The following ELMO1 variants were observed in gnomAD, a reference collection of about 807,000 sequenced individuals.
The protein encoded by ELMO1 is engulfment and cell motility protein 1.
A neutral mutation model predicts 98.9 loss-of-function variants in ELMO1; 26 were observed. The observed-to-expected ratio is 0.26, with a 90% CI of 0.19 to 0.36. The LOEUF (loss-of-function observed/expected upper bound fraction) is 0.36, where lower values mean the gene tolerates loss of function less well. Among genes scored for constraint, ELMO1 ranks in the 10% least tolerant of loss-of-function variants. The pLI, the probability that ELMO1 is intolerant of heterozygous loss-of-function variation, is 1.00. For synonymous variants in ELMO1, 346 were observed against 346.0 expected (o/e 1.00, Z 0.00); for missense variants, 627 against 935.2 (o/e 0.67, Z 4.30).
chr7:36,955,227 T>C (rs1788345390), intron 16 of ELMO1, among the ~76,000 whole-genome samples: 2 of 152,146 alleles, frequency 1.3e-5, no homozygotes, highest in Non-Finnish European at 2.9e-5. Flanking sequence ...TAAACCCTCC[T>C]CTCAGCTCAA....
chr7:37,321,716 CAAAAAAAA>C (rs565421716), intron 2 of ELMO1, among the ~76,000 whole-genome samples: 5 of 66,104 alleles, frequency 7.6e-5, no homozygotes, highest in South Asian at 5.5e-4. Context: ...GACTCCGTCT[CAAAAAAAA>C]AAAAAAAAAA....
At chr7:36,978,296 C>A (rs183217823) in intron 16 of ELMO1, among the ~76,000 whole-genome samples, 272 of 151,516 alleles carry the variant, frequency 1.8e-3, no homozygotes, top group African/African-American at 6.2e-3. Context: ...CAGATGAAAT[C>A]TATCTGACAT....
chr7:37,160,392 G>T (rs536406185), intron 13 of ELMO1, among the ~76,000 whole-genome samples: 6 of 152,292 alleles, frequency 3.9e-5, no homozygotes, highest in African/African-American at 1.4e-4. Flanking sequence ...TATATGCACA[G>T]TCTTTGTAAA....
chr7:37,442,433 C>T (rs1395093409), intron 1 of ELMO1, among the ~76,000 whole-genome samples: 1 of 152,216 alleles, frequency 6.6e-6, no homozygotes, highest in Non-Finnish European at 1.5e-5. Context: ...AGTATATTCC[C>T]CTTCCAACTG....
chr7:37,147,612 G>A (rs1428528665), intron 13 of ELMO1, among the ~76,000 whole-genome samples: 3 of 152,164 alleles, frequency 2.0e-5, no homozygotes, highest in Non-Finnish European at 2.9e-5. Flanking sequence ...ACTTCATGTG[G>A]CAGCCAGAAG....
At chr7:37,194,599 CATA>C (rs1190740135) in intron 13 of ELMO1, among the ~76,000 whole-genome samples, 5 of 152,208 alleles carry the variant, frequency 3.3e-5, no homozygotes, top group Non-Finnish European at 7.3e-5. Context: ...CACCGCAGCA[CATA>C]ATATTTTATG....
chr7:36,932,748 A>C (rs942742190), intron 16 of ELMO1, among the ~76,000 whole-genome samples: 1 of 152,188 alleles, frequency 6.6e-6, no homozygotes, highest in African/African-American at 2.4e-5. Flanking sequence ...GATGTTTCCA[A>C]GATGCGGGCT....
At chr7:37,436,414 T>C (rs1381286919) in intron 1 of ELMO1, among the ~76,000 whole-genome samples, 2 of 152,182 alleles carry the variant, frequency 1.3e-5, no homozygotes, top group African/African-American at 4.8e-5. Context: ...CATACAGCCA[T>C]TAGACAAGTG....
chr7:37,421,310 T>C (rs139415631), intron 1 of ELMO1, among the ~76,000 whole-genome samples: 1 of 152,372 alleles, frequency 6.6e-6, no homozygotes, highest in Non-Finnish European at 1.5e-5. Context: ...TCTTATTTCA[T>C]CCAGTTTGAC....
At chr7:37,293,156 T>C (rs201450575) in intron 4 of ELMO1, among the ~76,000 whole-genome samples, 24,506 of 34,088 alleles carry the variant, frequency 0.72, 10,045 homozygotes, top group Non-Finnish European at 0.98. Context: ...CGCCTCTGCC[T>C]GGCCGCGCCT....
rs767018272 is a variant in ELMO1 at position 37,271,879 on chromosome 7, G to A, written c.196C>T (p.Arg66Cys). The change falls in exon 5 of 22, where the codon CGC (arginine) becomes TGC (cysteine). Residue 66 changes from arginine to cysteine, a missense_variant. Physicochemically the swap from Arg to Cys is radical, Grantham distance 180. Coordinates refer to ENST00000310758, the MANE Select transcript of ELMO1 (RefSeq NM_014800.11). ...SSNFYITEKN[R>C]NEIKNGTILR... is the part of the protein sequence containing the mutation. Reference sequence around the variant, plus strand: ...ATAGTGCCATTTTTTATCTCATTGCGGTTCTGGAAAAGAAGAAAAAATCTT... The same window carrying A: ...ATAGTGCCATTTTTTATCTCATTGCAGTTCTGGAAAAGAAGAAAAAATCTT... 4.3e-6 allele frequency: 7 copies of A among 1,613,586 alleles called. No homozygotes were observed. The highest frequency in any genetic ancestry group is 1.3e-5 in the African/African-American group (1 of 74,894).
intron 16 of ELMO1, among the ~76,000 whole-genome samples, chr7:36,907,820 T>G (rs112079821): frequency 6.6e-6 from 1 of 152,220 alleles, no homozygotes; most frequent in Non-Finnish European, 1.5e-5. Flanking sequence ...GCACTTCTTT[T>G]TTCTGCTGAA....
At chr7:37,295,126 G>A (rs2717985) in intron 4 of ELMO1, among the ~76,000 whole-genome samples, 53,209 of 152,028 alleles carry the variant, frequency 0.35, 10,442 homozygotes, top group Middle Eastern at 0.54. Context: ...TTATTCATAA[G>A]CACATACCTA....
intron 1 of ELMO1, among the ~76,000 whole-genome samples, chr7:37,366,029 G>T (rs2131341363): frequency 6.6e-6 from 1 of 152,280 alleles, no homozygotes; most frequent in East Asian, 1.9e-4. Flanking sequence ...CACCAAGGAG[G>T]TTCCCAAGTT....
At chr7:37,253,226 G>C (rs1795454906) in intron 6 of ELMO1, among the ~76,000 whole-genome samples, 1 of 152,074 alleles carries the variant, frequency 6.6e-6, no homozygotes, top group Non-Finnish European at 1.5e-5. Context: ...CCCATTACTG[G>C]GTATATACAC....
At chr7:37,288,094 G>A (rs1797487240) in intron 4 of ELMO1, among the ~76,000 whole-genome samples, 1 of 152,090 alleles carries the variant, frequency 6.6e-6, no homozygotes, top group South Asian at 2.1e-4. Flanking sequence ...CAAGTAGTTT[G>A]GATTACAGGT....
intron 15 of ELMO1, among the ~76,000 whole-genome samples, chr7:37,031,667 C>G (rs1257196034): frequency 1.3e-5 from 2 of 152,082 alleles, no homozygotes; most frequent in African/African-American, 4.8e-5. Flanking sequence ...ATTCTAATAC[C>G]CTTGAGGCTT....
chr7:36,956,315 T>C (rs1159941227), intron 16 of ELMO1, among the ~76,000 whole-genome samples: 1 of 152,248 alleles, frequency 6.6e-6, no homozygotes, highest in Non-Finnish European at 1.5e-5. Flanking sequence ...CCACAATCCA[T>C]TGATGATTTT....
Position 37,342,646 on chromosome 7 carries a change from C to T in ELMO1, c.45G>A (p.Pro15=), listed in dbSNP as rs759462213. ...TTTCCATGAGTTTGGGGTAGGCGCC[C>T]GGCCATTCTATGGCCACCTTGACGA... ...ADIVKVAIEW[P]GAYPKLMEID... is the part of the protein sequence containing the mutation. The change falls in exon 2 of 22, where the codon CCG becomes CCA. Residue 15 remains proline (P), a synonymous_variant. Coordinates refer to ENST00000310758, the MANE Select transcript of ELMO1 (RefSeq NM_014800.11). The surrounding 1 kb of genome is among the most constrained non-coding windows in gnomAD (Gnocchi z 4.3). 3.7e-6 allele frequency: 6 copies of T among 1,613,134 alleles called. No homozygotes were observed. Among genetic ancestry groups the T allele is most frequent in the Non-Finnish European group, 4.2e-6 (5 of 1,179,706 alleles).
Sources: allele counts gnomAD v4.1 joint callset (sites outside exome capture counted in the v4.1 genomes callset), GRCh38; gene constraint gnomAD v4.1.1; non-coding constraint Gnocchi (gnomAD v3.1); transcripts MANE v1.5; gene names NCBI Gene and HGNC (gene_info 2026-07-23, HGNC 2026-07-21).